The following EIF3I variants were observed in gnomAD, a reference collection of about 807,000 sequenced individuals.
EIF3I encodes the protein TGF-beta receptor-interacting protein 1.
Under a neutral mutation model 43.3 loss-of-function variants are expected in EIF3I, and 20 were observed. The ratio of observed to expected loss-of-function variants is 0.46; its 90% confidence interval spans 0.32 to 0.67. The LOEUF is 0.67. EIF3I is among the 30% of genes least tolerant of loss of function. EIF3I has a pLI of 0.03. For missense variants in EIF3I, 279 were observed against 421.4 expected (o/e 0.66, Z 2.96); for synonymous variants, 167 against 151.7 (o/e 1.10, Z -0.74).
intron 4 of EIF3I, among the ~76,000 whole-genome samples, chr1:32,224,852 G>C (rs1639118215): frequency 6.7e-6 from 1 of 149,844 alleles, no homozygotes; most frequent in Non-Finnish European, 1.5e-5. Flanking sequence ...TTTTTTTTGA[G>C]ACAGATTCTC....
intron 4 of EIF3I, among the ~76,000 whole-genome samples, chr1:32,224,943 C>T (rs577824080): frequency 1.3e-5 from 2 of 152,264 alleles, no homozygotes; most frequent in South Asian, 4.1e-4. Flanking sequence ...AAGTGATTCT[C>T]CTGCCTCAGC....
chr1:32,223,923 CAG>C, intron 2 of EIF3I, 109 bp from the exon 3 acceptor site: 1 of 899,498 alleles, frequency 1.1e-6, no homozygotes, highest in Non-Finnish European at 1.8e-6. Flanking sequence ...AAGAAATAAA[CAG>C]AAGAGGGCAG....
At position 32,228,661 on chromosome 1, in the gene EIF3I, G is replaced by C. The variant is rs370136849; in HGVS notation, c.639+52G>C. ...GCTGCTCCCTCCCTCCGGCTGCACAGCTCACCCTGCCCGACTTCCCCCAGG... is the reference window on the plus strand; with the variant it reads ...GCTGCTCCCTCCCTCCGGCTGCACACCTCACCCTGCCCGACTTCCCCCAGG... On this transcript the variant is annotated intron_variant, in intron 7 of 11. Transcript: ENST00000676679. 1.9e-5 allele frequency: 30 copies of C among 1,605,668 alleles called. No individual in the cohort carries two copies. In the African/African-American group the frequency reaches 3.3e-4, roughly 18 times the overall value.
At chr1:32,224,241 C>A in intron 3 of EIF3I, 120 bp downstream of exon 3, 2 of 1,128,478 alleles carry the variant, frequency 1.8e-6, no homozygotes, top group Admixed American at 1.8e-5. Context: ...CTCCTACTCC[C>A]TGGTCTCTTC....
exon 8 of EIF3I, chr1:32,228,746 T>C (rs1639188136): frequency 6.2e-7 from 1 of 1,613,984 alleles, no homozygotes; most frequent in African/African-American, 1.3e-5. Flanking sequence ...TCCACAACTC[T>C]TGAACATCAG....
At chr1:32,230,051 T>C (rs7546344) in intron 9 of EIF3I, among the ~76,000 whole-genome samples, 2,042 of 152,032 alleles carry the variant, frequency 0.013, 38 homozygotes, top group African/African-American at 0.046. Context: ...CCCCATATAA[T>C]AAAAAAGTTA....
intron 9 of EIF3I, 43 bp downstream of exon 9, chr1:32,229,251 T>G: frequency 6.3e-7 from 1 of 1,594,724 alleles, no homozygotes; most frequent in Non-Finnish European, 8.5e-7. Flanking sequence ...TCTCATGTGG[T>G]GTACCTTTTT....
intron 6 of EIF3I, among the ~76,000 whole-genome samples, chr1:32,227,598 C>A (rs1324863559): frequency 6.6e-6 from 1 of 151,904 alleles, no homozygotes; most frequent in Non-Finnish European, 1.5e-5. Context: ...TATAGGAAGA[C>A]CCTGTCTCTA....
intron 9 of EIF3I, 55 bp downstream of exon 9, chr1:32,229,263 G>A: frequency 1.3e-6 from 2 of 1,583,998 alleles, no homozygotes; most frequent in Non-Finnish European, 1.7e-6. Flanking sequence ...TACCTTTTTT[G>A]TTTGTTTTTG....
intron 6 of EIF3I, 110 bp downstream of exon 6, chr1:32,226,640 C>T: frequency 5.9e-6 from 7 of 1,183,458 alleles, no homozygotes; most frequent in Non-Finnish European, 7.6e-6. Context: ...CATCTCGGCT[C>T]ACTGCGACCT....
intron 4 of EIF3I, among the ~76,000 whole-genome samples, chr1:32,225,953 G>A (rs1216394252): frequency 2.0e-5 from 3 of 151,936 alleles, no homozygotes; most frequent in African/African-American, 2.4e-5. Flanking sequence ...CCCGGGAGGC[G>A]GAGCTTGCAG....
chr1:32,224,120 C>G (rs780091515), exon 3 of EIF3I: 1 of 1,614,088 alleles, frequency 6.2e-7, no homozygotes. Flanking sequence ...TGGACGCTGA[C>G]TGTATCCTTA....
In EIF3I at chr1:32,222,640, G is replaced by T. The variant is rs551829220; in HGVS notation, c.96+10G>T. The T allele has an allele frequency of 5.4e-5, 87 of 1,613,422 alleles. 2 individuals carry two copies. The South Asian group carries it at 9.2e-4, about 17-fold the overall frequency. ...TGTGGCCAAGGACCCTGTGAGTGTT[G>T]GCTGGAGGGGGTCCGGGAGGGGCGG... On this transcript the variant is annotated intron_variant, in intron 2 of 11. Coordinates refer to ENST00000676679, the Ensembl canonical transcript of EIF3I.
At chr1:32,229,362 G>A (rs1024300735) in intron 9 of EIF3I, among the ~76,000 whole-genome samples, 154 bp downstream of exon 9, 1 of 152,102 alleles carries the variant, frequency 6.6e-6, no homozygotes, top group Non-Finnish European at 1.5e-5. Context: ...CCGGGTTGAC[G>A]CCATTCTCCT....
chr1:32,230,318 G>A (rs546282545), exon 10 of EIF3I, among the ~76,000 whole-genome samples: 59 of 151,824 alleles, frequency 3.9e-4, no homozygotes, highest in African/African-American at 7.7e-4. Context: ...TCTGCTCACC[G>A]CAACCTCCTG....
Position 32,230,914 on chromosome 1 carries a change from C to A in EIF3I, c.915-13C>A. 1 of 1,579,952 alleles carries A rather than the reference C, an allele frequency of 6.3e-7. No individual in the cohort carries two copies. The highest frequency in any genetic ancestry group is 8.6e-7 in the Non-Finnish European group (1 of 1,166,486). On this transcript the variant is annotated splice_polypyrimidine_tract_variant and intron_variant, in intron 10 of 11. Coordinates refer to ENST00000676679, the Ensembl canonical transcript of EIF3I. ...AGATAGAAAGTGAATTAATTGTGTC[C>A]CTTTTCCTCCAGGTTCTTCCATTTG...
At chr1:32,226,824 C>CCTTTTTTT (rs1557555148) in intron 6 of EIF3I, among the ~76,000 whole-genome samples, 1 of 78,622 alleles carries the variant, frequency 1.3e-5, no homozygotes, top group African/African-American at 5.4e-5. Flanking sequence ...CCGCTCGTGG[C>CCTTTTTTT]TTTTTTTTTT....
chr1:32,223,772 TG>T (rs2124258006), intron 2 of EIF3I, among the ~76,000 whole-genome samples: 1 of 152,288 alleles, frequency 6.6e-6, no homozygotes, highest in East Asian at 1.9e-4. Flanking sequence ...TTTTATTCTT[TG>T]GAGCCGTTGG....
chr1:32,222,418 G>A (rs760683193), exon 1 of EIF3I: 54 of 1,591,842 alleles, frequency 3.4e-5, no homozygotes, highest in Admixed American at 5.1e-5. Context: ...CTCACGTTGC[G>A]GCCTTCCTCG....
Sources: allele counts gnomAD v4.1 joint callset (sites outside exome capture counted in the v4.1 genomes callset), GRCh38; gene constraint gnomAD v4.1.1; transcripts MANE v1.5; gene names NCBI Gene and HGNC (gene_info 2026-07-23, HGNC 2026-07-21).